Variants in CTDP1 observed in about 807,000 individuals in gnomAD.
CTDP1 encodes RNA polymerase II subunit A C-terminal domain phosphatase.
In CTDP1, 47 loss-of-function variants were observed where a neutral mutation model predicts 91.8. The ratio of observed to expected loss-of-function variants is 0.51; its 90% CI spans 0.41 to 0.65. The LOEUF (loss-of-function observed/expected upper bound fraction) is 0.65. Ranked by LOEUF, CTDP1 falls within the 30% of genes least tolerant of loss-of-function variation. The pLI is 0.00. For missense variants in CTDP1, 1,272 were observed against 1,373.7 expected, an observed-to-expected ratio of 0.93 and a Z score of 1.17; for synonymous variants, 656 against 598.5, an observed-to-expected ratio of 1.10 and a Z score of -1.40.
At chr18:79,741,485 C>T (rs552185911) in intron 12 of CTDP1, among the ~76,000 whole-genome samples, 7 of 152,360 alleles carry the variant, frequency 4.6e-5, no homozygotes, top group East Asian at 1.9e-4. Flanking sequence ...ATGAGCTGGT[C>T]GTTCCCATGA....
upstream of CTDP1, chr18:79,679,671 G>A (rs2085310610): frequency 3.8e-6 from 2 of 522,850 alleles, no homozygotes; most frequent in Non-Finnish European, 7.4e-6. Flanking sequence ...GCTCAGGAAC[G>A]CAGTTCTTCA....
Position 79,715,258 on chromosome 18 carries a change from G to A in CTDP1, c.1798G>A (p.Val600Ile). Residue 600 changes from valine (V) to isoleucine (I), a missense_variant, in exon 8 of 13, where the codon GTA becomes ATA. Coordinates refer to ENST00000613122, the MANE Select transcript of CTDP1 (RefSeq NM_004715.5). ...LIYLEEILVR[V>I]HTDYYAKYDR... The stretch of plus-strand genomic sequence containing the variant: ...CTACCTGGAGGAGATCCTGGTCCGT[G>A]TACACACTGACTACTATGCCAAGTA... The A allele has an allele frequency of 2.5e-6, 4 of 1,610,586 alleles. No homozygotes were observed. The highest frequency in any genetic ancestry group is 3.4e-6 in the Non-Finnish European group (4 of 1,178,528).
chr18:79,687,148 G>A (rs1432320480), intron 1 of CTDP1, among the ~76,000 whole-genome samples: 1 of 116,306 alleles, frequency 8.6e-6, no homozygotes, highest in East Asian at 2.7e-4. Context: ...TCACTGGTGG[G>A]CCTGCACCGC....
intron 5 of CTDP1, among the ~76,000 whole-genome samples, chr18:79,706,720 G>GAT (rs1247178927): frequency 8.5e-5 from 13 of 152,166 alleles, no homozygotes; most frequent in Admixed American, 2.6e-4. Flanking sequence ...CTGTGGACTG[G>GAT]ATCCTCTGGG....
In CTDP1 at chr18:79,715,640, C is replaced by T. The variant is rs145290303; in HGVS notation, c.2068+112C>T. The T allele has an allele frequency of 3.0e-3, 3,382 of 1,118,494 alleles. 76 individuals carry two copies. In the African/African-American group the frequency reaches 0.048, roughly 16 times the overall value. 69.3% of individuals were successfully genotyped at this position (1,118,494 alleles called of 1,614,324 possible). A position where few individuals can be genotyped will look rare whatever the true frequency, so the allele number is the denominator to read the frequency against. On this transcript the variant is annotated intron_variant, in intron 8 of 12. Transcript: ENST00000613122. ...TCACTTTCAATTTTCAGAAACATTT[C>T]CCAGAATCACCATCTTTTAAGAATA...
intron 11 of CTDP1, among the ~76,000 whole-genome samples, chr18:79,729,412 C>G (rs1240202439): frequency 6.6e-6 from 1 of 152,208 alleles, no homozygotes; most frequent in African/African-American, 2.4e-5. Context: ...TCTGGAGGCA[C>G]TCATGGTCAT....
chr18:79,744,784 C>T (rs1295979992), intron 12 of CTDP1, among the ~76,000 whole-genome samples: 1 of 152,152 alleles, frequency 6.6e-6, no homozygotes, highest in Non-Finnish European at 1.5e-5. Context: ...TGGAGGTTCC[C>T]CCGCCACTCA....
rs112743048 is a variant in CTDP1, at chr18:79,694,980, G to A, written c.315-245G>A. On this transcript the variant is annotated intron_variant, in intron 1 of 12. Coordinates refer to ENST00000613122, the MANE Select transcript of CTDP1 (RefSeq NM_004715.5). ...TCCTTAGTTTTTTCAGCTGTTCCAC[G>A]GGTGGCACGGGGGTGGTGAGGTGTG... Among the ~76,000 whole-genome samples the A allele has an allele frequency of 0.014, 2,101 of 152,226 alleles. 58 individuals carry two copies. Among genetic ancestry groups the A allele is most frequent in the African/African-American group, 0.047 (1,965 of 41,510 alleles).
intron 10 of CTDP1, among the ~76,000 whole-genome samples, chr18:79,723,588 G>A (rs1027221410): frequency 7.9e-5 from 12 of 152,312 alleles, no homozygotes; most frequent in African/African-American, 2.6e-4. Flanking sequence ...TTTTTGGTTA[G>A]ACTTTTTGAG....
chr18:79,736,072 C>T lies in CTDP1; in HGVS notation c.2581-283C>T, dbSNP rs2086660971. 4 of 506,526 alleles carry T rather than the reference C, an allele frequency of 7.9e-6. No individual in the cohort carries two copies. The Admixed American group carries it at 9.6e-5, about 12-fold the overall frequency. 31.4% of individuals were successfully genotyped at this position (506,526 alleles called of 1,614,324 possible). On this transcript the variant is annotated intron_variant, in intron 11 of 12. Coordinates refer to ENST00000613122, the MANE Select transcript of CTDP1 (RefSeq NM_004715.5). ...TTCACCATAAAATCCAACAGTGCACCAGGAATAAAGTCCCTGTTCACATAA... is the reference window on the plus strand; with the variant it reads ...TTCACCATAAAATCCAACAGTGCACTAGGAATAAAGTCCCTGTTCACATAA...
At chr18:79,730,866 C>T (rs2086551997) in intron 11 of CTDP1, among the ~76,000 whole-genome samples, 2 of 152,232 alleles carry the variant, frequency 1.3e-5, no homozygotes, top group African/African-American at 4.8e-5. Flanking sequence ...GGACTTCTGA[C>T]CTGCACAGCT....
chr18:79,680,694 C>T (rs1323486971), intron 1 of CTDP1, among the ~76,000 whole-genome samples: 1 of 152,196 alleles, frequency 6.6e-6, no homozygotes, highest in African/African-American at 2.4e-5. Flanking sequence ...CTTTGTGAAA[C>T]GCAGTTGTAA....
chr18:79,743,695 G>T (rs1027210026), intron 12 of CTDP1, among the ~76,000 whole-genome samples: 1 of 152,214 alleles, frequency 6.6e-6, no homozygotes, highest in Non-Finnish European at 1.5e-5. Context: ...CTGTGCAGCA[G>T]CCATGTCTCC....
intron 4 of CTDP1, among the ~76,000 whole-genome samples, chr18:79,702,170 G>A (rs970401766): frequency 6.6e-6 from 1 of 152,118 alleles, no homozygotes; most frequent in Non-Finnish European, 1.5e-5. Flanking sequence ...TTTGTGAAAG[G>A]AAGAGTTGAT....
chr18:79,699,208 C>T (rs780999058), intron 4 of CTDP1, among the ~76,000 whole-genome samples: 24 of 152,138 alleles, frequency 1.6e-4, no homozygotes, highest in Non-Finnish European at 2.4e-4. Context: ...TAAACTGTGA[C>T]TAGATATTTT....
intron 11 of CTDP1, among the ~76,000 whole-genome samples, chr18:79,731,999 C>T (rs2086575449): frequency 6.6e-6 from 1 of 151,730 alleles, no homozygotes; most frequent in Admixed American, 6.6e-5. Context: ...CCCAAAATCC[C>T]ATGAGATGTA....
chr18:79,724,701 CTTCT>C (rs1322789398), intron 10 of CTDP1, among the ~76,000 whole-genome samples: 1 of 152,202 alleles, frequency 6.6e-6, no homozygotes, highest in East Asian at 1.9e-4. Context: ...CTATTTATCA[CTTCT>C]TTCTTTTAGG....
intron 11 of CTDP1, chr18:79,735,700 G>T (rs1599299088): frequency 1.3e-5 from 2 of 154,062 alleles, no homozygotes; most frequent in South Asian, 4.1e-4. Context: ...GGTTCGGGGA[G>T]GCTGAGGTTT....
At chr18:79,755,539 CG>C, downstream of CTDP1, 1 of 152,260 alleles carries the variant, frequency 6.6e-6, no homozygotes, top group Non-Finnish European at 1.5e-5. Context: ...AGTAATGTGC[CG>C]GGGGGTGGGG....
Sources: gnomAD v4.1 joint callset for allele counts (sites outside exome capture counted in the v4.1 genomes callset) on GRCh38, gnomAD v4.1.1 for gene constraint, MANE v1.5 for transcripts, NCBI Gene and HGNC (gene_info 2026-07-23, HGNC 2026-07-21) for gene names.